The following SP4 variants were observed in gnomAD, a reference collection of about 807,000 sequenced individuals.
SP4 encodes Sp4 transcription factor.
SP4 carries 19 observed loss-of-function variants against 72.8 expected under a neutral mutation model. The observed-to-expected ratio is 0.26, with a 90% CI of 0.18 to 0.38. SP4 has a LOEUF of 0.38. SP4 is among the 10% of genes least tolerant of loss of function. The probability of loss-of-function intolerance (pLI) is 1.00; values close to 1 mark genes in which losing one functional copy is unlikely to be tolerated. For missense variants in SP4, 1,008 were observed against 926.3 expected, an observed-to-expected ratio of 1.09 and a Z score of -1.14; for synonymous variants, 395 against 333.1, an observed-to-expected ratio of 1.19 and a Z score of -2.02.
At chr7:21,505,650 C>G (rs141193473) in intron 5 of SP4, among the ~76,000 whole-genome samples, 29 of 152,294 alleles carry the variant, frequency 1.9e-4, no homozygotes, top group African/African-American at 6.5e-4. Context: ...GAACCACTTA[C>G]GTTCATAGGG....
chr7:21,488,173 G>T (rs1784872548), intron 5 of SP4, among the ~76,000 whole-genome samples: 1 of 152,104 alleles, frequency 6.6e-6, no homozygotes, highest in East Asian at 1.9e-4. Context: ...CAAGCTAGTG[G>T]CTTTTATTTT....
chr7:21,507,821 G>A (rs996318927), intron 5 of SP4, among the ~76,000 whole-genome samples: 11 of 151,952 alleles, frequency 7.2e-5, no homozygotes, highest in African/African-American at 2.4e-4. Context: ...CCCTACTGGA[G>A]GTTTCTTGCA....
chr7:21,467,604 C>G lies in SP4; in HGVS notation c.1679-9475C>G, dbSNP rs192677488. On this transcript the variant is annotated intron_variant, in intron 3 of 5. Transcript: ENST00000222584. The stretch of plus-strand genomic sequence containing the variant: ...CCTGCTTGCTTATTTTAAGTCAGAT[C>G]ATTATGTAAACCAAATCCTATTTTA... Among the ~76,000 whole-genome samples, 75 of 152,192 alleles carry G rather than the reference C, an allele frequency of 4.9e-4. 1 individual carries two copies. In the East Asian group the frequency reaches 0.011, roughly 22 times the overall value.
rs1782720279 is a variant in SP4, at chr7:21,428,765, T to C, written c.96T>C (p.Asn32=). Residue 32 remains asparagine (N), a synonymous_variant, in exon 2 of 6, where the codon AAT becomes AAC. Transcript: ENST00000222584. ...GGKTSEPENN[N]KKPKTSGSQD... is the part of the protein sequence containing the mutation. ...AAACCTCTGAGCCAGAGAATAACAA[T>C]AAAAAACCCAAAACCTCAGGCTCCC... 5 of 1,550,874 alleles carry C rather than the reference T, an allele frequency of 3.2e-6. No individual in the cohort carries two copies. Among genetic ancestry groups the C allele is most frequent in the Admixed American group, 4.0e-5 (2 of 50,628 alleles).
chr7:21,473,700 A>G (rs749765846), intron 3 of SP4, among the ~76,000 whole-genome samples: 18 of 152,256 alleles, frequency 1.2e-4, no homozygotes, highest in Non-Finnish European at 2.4e-4. Flanking sequence ...CAAAGGAATC[A>G]ACTATGCAAA....
At chr7:21,468,621 CATATT>C (rs1261566825) in intron 3 of SP4, among the ~76,000 whole-genome samples, 8 of 151,414 alleles carry the variant, frequency 5.3e-5, no homozygotes, top group Non-Finnish European at 1.2e-4. Context: ...GTACAGATGT[CATATT>C]ATAATAATTT....
At chr7:21,445,198 C>T (rs990866446) in intron 3 of SP4, among the ~76,000 whole-genome samples, 30 of 151,808 alleles carry the variant, frequency 2.0e-4, no homozygotes, top group African/African-American at 6.8e-4. Flanking sequence ...GAAAAGGGCC[C>T]AAAAGAGGGA....
intron 5 of SP4, among the ~76,000 whole-genome samples, chr7:21,509,134 GAT>G (rs1782081891): frequency 6.6e-6 from 1 of 151,944 alleles, no homozygotes; most frequent in Admixed American, 6.6e-5. Flanking sequence ...AAATAGTAAT[GAT>G]ATATATAATA....
At chr7:21,488,479 C>CTTTT (rs59893862) in intron 5 of SP4, among the ~76,000 whole-genome samples, 108 of 133,052 alleles carry the variant, frequency 8.1e-4, no homozygotes, top group Middle Eastern at 3.9e-3. Flanking sequence ...ACTTCCTTTC[C>CTTTT]TTTTTTTTTT....
At chr7:21,498,776 A>T (rs1461754451) in intron 5 of SP4, among the ~76,000 whole-genome samples, 1 of 152,184 alleles carries the variant, frequency 6.6e-6, no homozygotes, top group Non-Finnish European at 1.5e-5. Flanking sequence ...CCAGATTCTT[A>T]AAGTAAACTA....
At position 21,429,250 on chromosome 7, in the gene SP4, TTC is replaced by T. The variant is rs1491463896; in HGVS notation, c.124-38_124-37del. 898 of 1,159,016 alleles carry T rather than the reference TTC, an allele frequency of 7.7e-4. 2 individuals carry two copies. Among genetic ancestry groups the T allele is most frequent in the African/African-American group, 3.8e-3 (152 of 40,374 alleles). 71.8% of individuals were successfully genotyped at this position (1,159,016 alleles called of 1,614,324 possible). A position where few individuals can be genotyped will look rare whatever the true frequency, so the allele number is the denominator to read the frequency against. Reference sequence around the variant, plus strand: ...CCTCCACTAAATCCGCCCACTTTTTTTCCCCCCCCCCTCTCCTTTACCGTCCC... The same window carrying T: ...CCTCCACTAAATCCGCCCACTTTTTTCCCCCCCCCTCTCCTTTACCGTCCC... On this transcript the variant is annotated intron_variant, in intron 2 of 5. Transcript: ENST00000222584.
At chr7:21,461,488 C>T (rs1385084778) in intron 3 of SP4, among the ~76,000 whole-genome samples, 1 of 152,194 alleles carries the variant, frequency 6.6e-6, no homozygotes, top group East Asian at 1.9e-4. Flanking sequence ...GGTGTTAAGC[C>T]CCTCACTGCC....
At chr7:21,447,094 C>CA (rs966312979) in intron 3 of SP4, among the ~76,000 whole-genome samples, 1 of 152,164 alleles carries the variant, frequency 6.6e-6, no homozygotes, top group Non-Finnish European at 1.5e-5. Context: ...GGGACCTCAT[C>CA]TGACTATTCA....
chr7:21,459,559 T>A (rs547140126), intron 3 of SP4, among the ~76,000 whole-genome samples: 2 of 152,236 alleles, frequency 1.3e-5, no homozygotes, highest in Non-Finnish European at 2.9e-5. Flanking sequence ...GAGCATTACT[T>A]CTTTGGATGA....
chr7:21,449,146 C>T (rs1783513085), intron 3 of SP4, among the ~76,000 whole-genome samples: 2 of 152,214 alleles, frequency 1.3e-5, no homozygotes, highest in Non-Finnish European at 2.9e-5. Flanking sequence ...CAACTAGGGA[C>T]AGCCCCTGTG....
At chr7:21,468,015 A>G (rs931780861) in intron 3 of SP4, among the ~76,000 whole-genome samples, 3 of 152,118 alleles carry the variant, frequency 2.0e-5, no homozygotes, top group Admixed American at 6.5e-5. Flanking sequence ...TTGTTTTTCA[A>G]ATTTGCGGAT....
Position 21,429,484 on chromosome 7 carries a change from T to G in SP4, c.319T>G (p.Ser107Ala). 8.1e-6 allele frequency: 13 copies of G among 1,614,200 alleles called. No homozygotes were observed. Among genetic ancestry groups the G allele is most frequent in the South Asian group, 1.1e-5 (1 of 91,086 alleles). The change falls in exon 3 of 6, where the codon TCC (serine) becomes GCC (alanine). Residue 107 changes from serine to alanine, a missense_variant. Ser to Ala is a moderately conservative substitution (Grantham distance 99, BLOSUM62 1). Transcript: ENST00000222584. ...TGGAAACGCTTGGCAACTTGTTGCC[T>G]CCACTCCTCCTGCTTCAAAAGAGAA... is the stretch of plus-strand genomic sequence containing the variant. ...LAGNAWQLVA[S>A]TPPASKENNV...
chr7:21,499,580 A>G (rs963771696), intron 5 of SP4, among the ~76,000 whole-genome samples: 1 of 152,214 alleles, frequency 6.6e-6, no homozygotes, highest in African/African-American at 2.4e-5. Flanking sequence ...GAGTCCTTGG[A>G]GGGAGCAAGG....
rs1211584904 is a variant in SP4 at position 21,482,155 on chromosome 7, T to C, written c.2107+32T>C. ...TGATTTTAGGACTTGTACTTTTTAC[T>C]TATTTCTTCAGTTTTTACATGAAAA... On this transcript the variant is annotated intron_variant, in intron 5 of 5. Transcript: ENST00000222584. 3 of 1,537,642 alleles carry C rather than the reference T, an allele frequency of 2.0e-6. No homozygotes were observed. In the African/African-American group the frequency reaches 4.1e-5, roughly 21 times the overall value.
Sources: allele counts gnomAD v4.1 joint callset (sites outside exome capture counted in the v4.1 genomes callset), GRCh38; gene constraint gnomAD v4.1.1; transcripts MANE v1.5; gene names NCBI Gene and HGNC (gene_info 2026-07-23, HGNC 2026-07-21).